The following PTPRO variants were observed in gnomAD, a reference collection of about 807,000 sequenced individuals.
PTPRO encodes the protein protein tyrosine phosphatase receptor type O.
A neutral mutation model predicts 145.2 loss-of-function variants in PTPRO; 62 were observed. That is an observed-to-expected ratio of 0.43 (90% CI 0.35 to 0.53). The LOEUF (loss-of-function observed/expected upper bound fraction) is 0.53. PTPRO is among the 20% of genes least tolerant of loss of function. The probability of loss-of-function intolerance (pLI) is 0.01; values close to 1 mark genes in which losing one functional copy is unlikely to be tolerated. For synonymous variants in PTPRO, 565 were observed against 514.7 expected (o/e 1.10, Z -1.32); for missense variants, 1,345 against 1,482.7 (o/e 0.91, Z 1.53).
At chr12:15,592,001 A>C (rs376019928) in intron 25 of PTPRO, among the ~76,000 whole-genome samples, 26 of 152,184 alleles carry the variant, frequency 1.7e-4, no homozygotes, top group African/African-American at 6.0e-4. Flanking sequence ...CGGGTTACTT[A>C]CTTTTTCCAA....
intron 9 of PTPRO, 146 bp downstream of exon 9, chr12:15,517,102 A>C (rs529671292): frequency 2.4e-6 from 2 of 826,516 alleles, no homozygotes; most frequent in African/African-American, 3.4e-5. Flanking sequence ...ACTGCTGATA[A>C]AGAAATAGCC....
At chr12:15,396,285 G>T (rs958806670) in intron 1 of PTPRO, among the ~76,000 whole-genome samples, 3 of 152,110 alleles carry the variant, frequency 2.0e-5, no homozygotes, top group Non-Finnish European at 2.9e-5. Flanking sequence ...TTAAGGTTTA[G>T]TGACAAGTGC....
intron 1 of PTPRO, among the ~76,000 whole-genome samples, chr12:15,402,180 G>C (rs971027405): frequency 6.6e-6 from 1 of 152,120 alleles, no homozygotes; most frequent in African/African-American, 2.4e-5. Flanking sequence ...ATGAGGCCAG[G>C]AGATCGAGAC....
intron 1 of PTPRO, among the ~76,000 whole-genome samples, chr12:15,377,262 G>A (rs1938716391): frequency 6.6e-6 from 1 of 152,008 alleles, no homozygotes; most frequent in Non-Finnish European, 1.5e-5. Context: ...ATACAAAAGA[G>A]AGTAGTTTTG....
intron 1 of PTPRO, among the ~76,000 whole-genome samples, chr12:15,336,622 T>TAA (rs893297127): frequency 6.6e-6 from 1 of 151,310 alleles, no homozygotes; most frequent in Non-Finnish European, 1.5e-5. Context: ...GCATGCTGGT[T>TAA]AAAAAAAAAG....
intron 2 of PTPRO, among the ~76,000 whole-genome samples, chr12:15,495,184 C>A (rs1445877099): frequency 6.6e-6 from 1 of 151,546 alleles, no homozygotes; most frequent in African/African-American, 2.4e-5. Context: ...AGCACATAGT[C>A]TACAGTGACA....
At chr12:15,420,488 G>C (rs1940114927) in intron 1 of PTPRO, among the ~76,000 whole-genome samples, 1 of 151,534 alleles carries the variant, frequency 6.6e-6, no homozygotes, top group Non-Finnish European at 1.5e-5. Flanking sequence ...TCCAATTGTG[G>C]AAACTCAACT....
chr12:15,332,629 A>AT (rs939876449), intron 1 of PTPRO, among the ~76,000 whole-genome samples: 8 of 152,158 alleles, frequency 5.3e-5, no homozygotes, highest in African/African-American at 1.7e-4. Context: ...ATAAAGCCAT[A>AT]TTTTTTCAAA....
intron 1 of PTPRO, among the ~76,000 whole-genome samples, chr12:15,359,110 G>A (rs11056447): frequency 0.24 from 37,119 of 152,116 alleles, 4,750 homozygotes; most frequent in Non-Finnish European, 0.29. Flanking sequence ...TTTGATATAA[G>A]TGACATTCAA....
intron 1 of PTPRO, among the ~76,000 whole-genome samples, chr12:15,402,598 A>T (rs1287857951): frequency 3.3e-5 from 5 of 152,118 alleles, no homozygotes; most frequent in African/African-American, 1.2e-4. Context: ...AGAATTCTCT[A>T]TGTAAATTGT....
At chr12:15,547,286 A>G (rs932837870) in intron 13 of PTPRO, among the ~76,000 whole-genome samples, 1 of 152,246 alleles carries the variant, frequency 6.6e-6, no homozygotes, top group Non-Finnish European at 1.5e-5. Flanking sequence ...TACAAATGGC[A>G]GATACGATAA....
At chr12:15,528,984 C>A (rs2417441) in intron 12 of PTPRO, among the ~76,000 whole-genome samples, 63,741 of 151,964 alleles carry the variant, frequency 0.42, 13,653 homozygotes, top group Admixed American at 0.48. Flanking sequence ...TTCACCACTA[C>A]CAGACCTGTC....
intron 1 of PTPRO, among the ~76,000 whole-genome samples, chr12:15,456,014 A>C (rs537786858): frequency 5.3e-5 from 8 of 152,332 alleles, no homozygotes; most frequent in African/African-American, 1.9e-4. Flanking sequence ...ATTTAAAAAG[A>C]AGGGTGGTAA....
At chr12:15,589,360 A>C (rs1469376842) in intron 24 of PTPRO, 95 bp from the exon 25 acceptor site, 1 of 1,550,486 alleles carries the variant, frequency 6.4e-7, no homozygotes. Flanking sequence ...TGGGCAACAG[A>C]GCAAGACTCC....
At chr12:15,420,561 C>A (rs1940116564) in intron 1 of PTPRO, among the ~76,000 whole-genome samples, 2 of 151,648 alleles carry the variant, frequency 1.3e-5, no homozygotes, top group Non-Finnish European at 2.9e-5. Flanking sequence ...CATTGAATGG[C>A]CCCTTAAGCT....
At chr12:15,478,122 T>C (rs376155245) in intron 1 of PTPRO, among the ~76,000 whole-genome samples, 2 of 152,060 alleles carry the variant, frequency 1.3e-5, no homozygotes, top group East Asian at 3.9e-4. Context: ...CAAAGCAAAG[T>C]TGGAGGGTAT....
At chr12:15,360,554 G>A (rs1298320846) in intron 1 of PTPRO, among the ~76,000 whole-genome samples, 2 of 151,686 alleles carry the variant, frequency 1.3e-5, no homozygotes, top group Non-Finnish European at 1.5e-5. Context: ...ACCCAAGTAC[G>A]GTTTGAGCCA....
chr12:15,486,572 T>C (rs1187842129), intron 2 of PTPRO, among the ~76,000 whole-genome samples: 1 of 152,116 alleles, frequency 6.6e-6, no homozygotes, highest in Admixed American at 6.5e-5. Context: ...TAATAGTAGA[T>C]TTTCTGGTAG....
chr12:15,539,488 C>G (rs1943134234), intron 12 of PTPRO, among the ~76,000 whole-genome samples: 1 of 152,046 alleles, frequency 6.6e-6, no homozygotes, highest in Non-Finnish European at 1.5e-5. Context: ...AGGCTGGGCA[C>G]AGTGGCTCAC....
Sources: gnomAD v4.1 joint callset for allele counts (sites outside exome capture counted in the v4.1 genomes callset) on GRCh38, gnomAD v4.1.1 for gene constraint, MANE v1.5 for transcripts, NCBI Gene and HGNC (gene_info 2026-07-23, HGNC 2026-07-21) for gene names.